The following SLC22A24 variants were observed in gnomAD, a reference collection of about 807,000 sequenced individuals.
The protein encoded by SLC22A24 is solute carrier family 22 member 24, also known as steroid transmembrane transporter SLC22A24.
Under a neutral mutation model 49.8 loss-of-function variants are expected in SLC22A24, and 53 were observed. The ratio of observed to expected loss-of-function variants is 1.06; its 90% CI spans 0.85 to 1.34. The LOEUF (loss-of-function observed/expected upper bound fraction) is 1.34. Ranked by LOEUF, SLC22A24 falls within the 40% of genes most tolerant of loss-of-function variation. The probability of loss-of-function intolerance (pLI) is 0.00; values close to 1 mark genes in which losing one functional copy is unlikely to be tolerated. For synonymous variants in SLC22A24, 302 were observed against 256.4 expected (o/e 1.18, Z -1.70); for missense variants, 786 against 675.9 (o/e 1.16, Z -1.81).
chr11:63,085,454 A>T (rs1009690870), intron 6 of SLC22A24, among the ~76,000 whole-genome samples: 1 of 152,186 alleles, frequency 6.6e-6, no homozygotes, highest in Non-Finnish European at 1.5e-5. Flanking sequence ...ATAGTACATT[A>T]AAAAATATAA....
At chr11:63,128,411 C>T (rs1328956710) in intron 2 of SLC22A24, among the ~76,000 whole-genome samples, 1 of 152,056 alleles carries the variant, frequency 6.6e-6, no homozygotes, top group Non-Finnish European at 1.5e-5. Context: ...GAAAGGGATT[C>T]TCCCTTTCCC....
In SLC22A24 at chr11:63,081,581, G is replaced by A. The variant is rs371900067; in HGVS notation, c.1371C>T (p.Asn457=). The A allele has an allele frequency of 8.1e-5, 126 of 1,551,326 alleles. 4 individuals carry two copies. The East Asian group carries it at 1.6e-3, about 20-fold the overall frequency. Residue 457 remains asparagine (N), a synonymous_variant, in exon 8 of 10, where the codon AAC becomes AAT. Transcript: ENST00000612278. ...ACCTCAATATGGTGGGGACGAGCTC[G>A]TTGTGGTGGACAGAAGCACTGTTGC... is the stretch of plus-strand genomic sequence containing the variant. The part of the protein sequence containing the change: ...AASNSASVHH[N]ELVPTILRST...
chr11:63,143,435 GGGCTCCGTGTCT>G lies in SLC22A24; in HGVS notation c.333_344del (p.Asp112_Pro115del). 1 of 1,561,420 alleles carries G rather than the reference GGGCTCCGTGTCT, an allele frequency of 6.4e-7. No homozygotes were observed. The highest frequency in any genetic ancestry group is 8.6e-7 in the Non-Finnish European group (1 of 1,157,186). On this transcript the variant is annotated inframe_deletion, in exon 1 of 10. Coordinates refer to ENST00000612278, the MANE Select transcript of SLC22A24 (RefSeq NM_001136506.2). ...TGTCGTACACCCAGCCATCCACACA[GGGCTCCGTGTCT>G]GGCTCATTTGTGTTGGGGAAGGTCC...
At chr11:63,113,255 C>T (rs2087187956) in intron 4 of SLC22A24, among the ~76,000 whole-genome samples, 4 of 142,220 alleles carry the variant, frequency 2.8e-5, no homozygotes, top group African/African-American at 1.1e-4. Flanking sequence ...CACACATACA[C>T]ACACACACGT....
rs1419979468 is a variant in SLC22A24, at chr11:63,143,960, C to A, written c.-181G>T. ...CTACTGCAGAAGAGCAGTGGAAGGA[C>A]TTTCCCCAAGTCCTTTAACTTTAGG... On this transcript the variant is annotated 5_prime_UTR_variant, in exon 1 of 10. Transcript: ENST00000612278. The A allele has an allele frequency of 5.1e-5, 22 of 433,894 alleles. No individual in the cohort carries two copies. In the East Asian group the frequency reaches 7.5e-4, roughly 15 times the overall value. The allele number at this position is 433,894 out of a possible 1,614,324, so 26.9% of individuals were successfully genotyped here. A position where few individuals can be genotyped will look rare whatever the true frequency, so the allele number is the denominator to read the frequency against.
chr11:63,121,899 CT>C (rs147485453), intron 2 of SLC22A24, among the ~76,000 whole-genome samples: 3,953 of 151,970 alleles, frequency 0.026, 146 homozygotes, highest in African/African-American at 0.089. Context: ...ATATCACACA[CT>C]TTTTTTAGCT....
intron 4 of SLC22A24, among the ~76,000 whole-genome samples, chr11:63,115,721 T>C (rs973511422): frequency 2.0e-5 from 3 of 151,962 alleles, no homozygotes; most frequent in Non-Finnish European, 4.4e-5. Flanking sequence ...GTTTTGTTTT[T>C]TTTATATGGG....
At chr11:63,097,241 A>T (rs915714081) in intron 5 of SLC22A24, among the ~76,000 whole-genome samples, 1 of 148,378 alleles carries the variant, frequency 6.7e-6, no homozygotes, top group Non-Finnish European at 1.5e-5. Context: ...GAAAAAAAAA[A>T]CAACCCCATC....
chr11:63,142,490 GT>G, intron 1 of SLC22A24, among the ~76,000 whole-genome samples: 1 of 152,284 alleles, frequency 6.6e-6, no homozygotes, highest in South Asian at 2.1e-4. Context: ...TTAGTTTGTA[GT>G]TTATAGTTTG....
In SLC22A24 at chr11:63,081,070, G is replaced by A. The variant is rs749235095; in HGVS notation, c.1448C>T (p.Ala483Val). Residue 483 changes from alanine (A) to valine (V), a missense_variant, in exon 9 of 10, where the codon GCT becomes GTT. Coordinates refer to ENST00000612278, the MANE Select transcript of SLC22A24 (RefSeq NM_001136506.2). ...CGCCATTAAGGTCATCAACAGAGGA[G>A]CCAGTGCTGCCCCAGTCCTACCGGA... ...AVSGRTGAALAPLLMTLMAYS... is the reference protein window; with the variant it reads ...AVSGRTGAALVPLLMTLMAYS... 6 of 1,551,644 alleles carry A rather than the reference G, an allele frequency of 3.9e-6. No homozygotes were observed. Among genetic ancestry groups the A allele is most frequent in the South Asian group, 3.6e-5 (3 of 84,054 alleles).
At chr11:63,133,926 T>A (rs529402867) in intron 2 of SLC22A24, among the ~76,000 whole-genome samples, 2 of 152,360 alleles carry the variant, frequency 1.3e-5, no homozygotes, top group South Asian at 2.1e-4. Context: ...ATTATGGGCG[T>A]GAGCCACCGT....
At chr11:63,134,932 T>C (rs773090033) in intron 1 of SLC22A24, among the ~76,000 whole-genome samples, 164 bp from the exon 2 acceptor site, 6 of 152,178 alleles carry the variant, frequency 3.9e-5, no homozygotes, top group Admixed American at 6.5e-5. Context: ...GTAGCTCATA[T>C]TCTAAAAATA....
Position 63,108,595 on chromosome 11 carries a change from C to A in SLC22A24, c.831-4297G>T, listed in dbSNP as rs188183169. On this transcript the variant is annotated intron_variant, in intron 4 of 9. Coordinates refer to ENST00000612278, the MANE Select transcript of SLC22A24 (RefSeq NM_001136506.2). ...TTAGTTGGTAGGCTATTAATTATTGCCTCAATTTTATAGCCTGTTATTGGT... is the reference window on the plus strand; with the variant it reads ...TTAGTTGGTAGGCTATTAATTATTGACTCAATTTTATAGCCTGTTATTGGT... 4.3e-4 allele frequency among the ~76,000 whole-genome samples: 65 copies of A among 152,222 alleles called. No homozygotes were observed. In the East Asian group the frequency reaches 0.011, roughly 26 times the overall value.
At chr11:63,118,700 C>G in intron 4 of SLC22A24, 1 of 534,452 alleles carries the variant, frequency 1.9e-6, no homozygotes, top group South Asian at 3.0e-5. Context: ...CATGATAATT[C>G]CATGTCTAAA....
intron 4 of SLC22A24, among the ~76,000 whole-genome samples, chr11:63,104,658 C>A (rs2087109647): frequency 6.6e-6 from 1 of 152,006 alleles, no homozygotes; most frequent in Non-Finnish European, 1.5e-5. Flanking sequence ...TGGTGGCAGG[C>A]AAGAGAAGCA....
intron 4 of SLC22A24, among the ~76,000 whole-genome samples, chr11:63,107,023 G>T (rs763656049): frequency 2.2e-4 from 34 of 152,082 alleles, no homozygotes; most frequent in Non-Finnish European, 3.7e-4. Context: ...TGACCTGAAT[G>T]GTATTGACTA....
chr11:63,086,672 T>A (rs938150103), intron 6 of SLC22A24, among the ~76,000 whole-genome samples: 3 of 152,172 alleles, frequency 2.0e-5, no homozygotes, highest in Admixed American at 2.0e-4. Flanking sequence ...ATTTGGAAAC[T>A]AAGCACAACA....
At chr11:63,123,730 A>C (rs1053943777) in intron 2 of SLC22A24, among the ~76,000 whole-genome samples, 1 of 152,164 alleles carries the variant, frequency 6.6e-6, no homozygotes, top group African/African-American at 2.4e-5. Context: ...CAGTCCCCCA[A>C]TAGTGGAAAA....
At chr11:63,087,024 G>GCACACACACACACACACACA (rs1555045310) in intron 6 of SLC22A24, among the ~76,000 whole-genome samples, 13 of 132,556 alleles carry the variant, frequency 9.8e-5, no homozygotes, top group African/African-American at 3.2e-4. Context: ...CCTGGAGGGC[G>GCACACACACACACACACACA]CACACACACA....
Sources: gnomAD v4.1 joint callset for allele counts (sites outside exome capture counted in the v4.1 genomes callset) on GRCh38, gnomAD v4.1.1 for gene constraint, MANE v1.5 for transcripts, NCBI Gene and HGNC (gene_info 2026-07-23, HGNC 2026-07-21) for gene names.